CSMD1: variants seen among roughly 807,000 people sequenced by gnomAD.
The protein encoded by CSMD1 is CUB and Sushi multiple domains 1.
Under a neutral mutation model 417.5 loss-of-function variants are expected in CSMD1, and 213 were observed. The observed-to-expected ratio is 0.51, with a 90% CI of 0.46 to 0.57. The LOEUF (loss-of-function observed/expected upper bound fraction) is 0.57, where lower values mean the gene tolerates loss of function less well. Ranked by LOEUF, CSMD1 falls within the 20% of genes least tolerant of loss-of-function variation. CSMD1 has a pLI of 0.00. For missense variants in CSMD1, 6,923 were observed against 4,529.7 expected, an observed-to-expected ratio of 1.53 and a Z score of -15.17; for synonymous variants, 2,862 against 1,736.8, an observed-to-expected ratio of 1.65 and a Z score of -16.11.
At chr8:3,305,619 A>G (rs1804772986) in intron 25 of CSMD1, among the ~76,000 whole-genome samples, 1 of 151,976 alleles carries the variant, frequency 6.6e-6, no homozygotes, top group Non-Finnish European at 1.5e-5. Flanking sequence ...TGCCAATGCC[A>G]TGCCCTTGGA....
intron 3 of CSMD1, among the ~76,000 whole-genome samples, chr8:4,156,022 G>T (rs1319659631): frequency 6.6e-6 from 1 of 152,062 alleles, no homozygotes; most frequent in Non-Finnish European, 1.5e-5. Flanking sequence ...CAGACCCAGT[G>T]GCCTGGTTCC....
intron 7 of CSMD1, among the ~76,000 whole-genome samples, chr8:3,665,568 G>T (rs1163276189): frequency 6.6e-6 from 1 of 152,196 alleles, no homozygotes; most frequent in African/African-American, 2.4e-5. Flanking sequence ...TTAGTATCTT[G>T]ATTCCTTACT....
intron 1 of CSMD1, among the ~76,000 whole-genome samples, chr8:4,729,079 A>C (rs917883064): frequency 6.6e-6 from 1 of 152,196 alleles, no homozygotes; most frequent in Non-Finnish European, 1.5e-5. Context: ...AAACACTTGG[A>C]TGTTCAGCCC....
chr8:4,870,510 G>T (rs182893494), intron 1 of CSMD1, among the ~76,000 whole-genome samples: 1 of 152,244 alleles, frequency 6.6e-6, no homozygotes, highest in African/African-American at 2.4e-5. Context: ...ACTGTCACAT[G>T]CAACTTGGCC....
chr8:3,857,066 T>G (rs1175859080), intron 5 of CSMD1, among the ~76,000 whole-genome samples: 1 of 151,564 alleles, frequency 6.6e-6, no homozygotes, highest in Non-Finnish European at 1.5e-5. Flanking sequence ...CACACTTACT[T>G]CAGGAAAAAA....
intron 3 of CSMD1, among the ~76,000 whole-genome samples, chr8:4,151,130 T>C (rs868798619): frequency 6.6e-6 from 1 of 152,182 alleles, no homozygotes; most frequent in Non-Finnish European, 1.5e-5. Flanking sequence ...GGATCCCTGT[T>C]CACCAAATAC....
At chr8:4,511,286 G>C (rs976947411) in intron 2 of CSMD1, among the ~76,000 whole-genome samples, 6 of 152,094 alleles carry the variant, frequency 3.9e-5, no homozygotes, top group Admixed American at 2.0e-4. Flanking sequence ...CCAGGGCTGG[G>C]AGCACTCAGC....
At chr8:3,888,050 G>A (rs1271918608) in intron 5 of CSMD1, among the ~76,000 whole-genome samples, 1 of 152,096 alleles carries the variant, frequency 6.6e-6, no homozygotes, top group Non-Finnish European at 1.5e-5. Flanking sequence ...AAAAGATATT[G>A]GAAAATACTG....
At chr8:3,914,574 C>T (rs1808686617) in intron 5 of CSMD1, among the ~76,000 whole-genome samples, 1 of 152,076 alleles carries the variant, frequency 6.6e-6, no homozygotes, top group Non-Finnish European at 1.5e-5. Context: ...CAGTTTACTC[C>T]TTAAAATAAA....
intron 5 of CSMD1, among the ~76,000 whole-genome samples, chr8:3,989,591 G>C (rs1247034142): frequency 6.6e-6 from 1 of 152,176 alleles, no homozygotes; most frequent in African/African-American, 2.4e-5. Flanking sequence ...TGCATTAAGA[G>C]ATTTCTCAGG....
At chr8:4,770,458 T>C (rs1796542834) in intron 1 of CSMD1, among the ~76,000 whole-genome samples, 1 of 151,166 alleles carries the variant, frequency 6.6e-6, no homozygotes, top group African/African-American at 2.4e-5. Flanking sequence ...GAATTTTTTT[T>C]TTAATTTCTA....
intron 1 of CSMD1, among the ~76,000 whole-genome samples, chr8:4,859,481 C>A (rs960051372): frequency 7.9e-5 from 12 of 151,996 alleles, no homozygotes; most frequent in Middle Eastern, 3.2e-3. Context: ...GCAACCTACA[C>A]AATGGGAGAA....
intron 2 of CSMD1, among the ~76,000 whole-genome samples, chr8:4,630,125 G>C (rs1206602652): frequency 6.6e-6 from 1 of 152,144 alleles, no homozygotes; most frequent in Non-Finnish European, 1.5e-5. Flanking sequence ...GTAGTTGTCT[G>C]AATTCACATG....
intron 7 of CSMD1, among the ~76,000 whole-genome samples, chr8:3,670,453 T>C (rs1798930132): frequency 1.3e-5 from 2 of 150,022 alleles, no homozygotes; most frequent in African/African-American, 2.5e-5. Flanking sequence ...TATATATAAA[T>C]ATCCCATATA....
intron 1 of CSMD1, among the ~76,000 whole-genome samples, chr8:4,722,230 G>A (rs1479626578): frequency 6.6e-6 from 1 of 152,042 alleles, no homozygotes; most frequent in East Asian, 1.9e-4. Flanking sequence ...CTTTGCTTGA[G>A]TACACTTATT....
chr8:4,274,423 C>G (rs1226198320), intron 3 of CSMD1, among the ~76,000 whole-genome samples: 1 of 151,972 alleles, frequency 6.6e-6, no homozygotes, highest in Non-Finnish European at 1.5e-5. Context: ...CTCTGGTGCC[C>G]AAGAGTTGCA....
chr8:4,472,232 G>A (rs1800575932), intron 2 of CSMD1, among the ~76,000 whole-genome samples: 1 of 151,262 alleles, frequency 6.6e-6, no homozygotes, highest in Admixed American at 6.6e-5. Flanking sequence ...TTTTAAAATC[G>A]AATAGTTCTT....
chr8:3,314,009 C>G (rs1406279749), intron 23 of CSMD1, among the ~76,000 whole-genome samples: 3 of 152,052 alleles, frequency 2.0e-5, no homozygotes, highest in Non-Finnish European at 4.4e-5. Context: ...TCTCAGCAAA[C>G]TATCACAAGG....
At chr8:4,356,307 A>C (rs73506692) in intron 3 of CSMD1, among the ~76,000 whole-genome samples, 2 of 149,696 alleles carry the variant, frequency 1.3e-5, no homozygotes, top group African/African-American at 4.9e-5. Context: ...TATTATGGCT[A>C]AGTAGTATTC....
Sources: gnomAD v4.1 joint callset for allele counts (sites outside exome capture counted in the v4.1 genomes callset) on GRCh38, gnomAD v4.1.1 for gene constraint, MANE v1.5 for transcripts, NCBI Gene and HGNC (gene_info 2026-07-23, HGNC 2026-07-21) for gene names.